Variants in KCNK3 observed in about 807,000 individuals in gnomAD.
KCNK3 encodes potassium two pore domain channel subfamily K member 3.
KCNK3 carries 9 observed loss-of-function variants against 27.3 expected under a neutral mutation model. The ratio of observed to expected loss-of-function variants is 0.33; its 90% CI spans 0.20 to 0.57. KCNK3 has a LOEUF of 0.57. Ranked by LOEUF, KCNK3 falls within the 20% of genes least tolerant of loss-of-function variation. The probability of loss-of-function intolerance (pLI) is 0.87; values close to 1 mark genes in which losing one functional copy is unlikely to be tolerated. For synonymous variants in KCNK3, 278 were observed against 273.8 expected, an observed-to-expected ratio of 1.02 and a Z score of -0.15; for missense variants, 391 against 577.7, an observed-to-expected ratio of 0.68 and a Z score of 3.31.
intron 1 of KCNK3, among the ~76,000 whole-genome samples, chr2:26,716,678 A>G (rs59659733): frequency 1.4e-3 from 219 of 152,322 alleles, no homozygotes; most frequent in African/African-American, 4.7e-3. Context: ...ATCCTGCTCA[A>G]AATGTACCCC....
At chr2:26,705,555 C>T (rs1471542022) in intron 1 of KCNK3, among the ~76,000 whole-genome samples, 1 of 152,160 alleles carries the variant, frequency 6.6e-6, no homozygotes, top group Non-Finnish European at 1.5e-5. Context: ...AGCTTCTCCC[C>T]GACCCACCCC....
chr2:26,713,493 A>G (rs1406436586), intron 1 of KCNK3, among the ~76,000 whole-genome samples: 2 of 152,128 alleles, frequency 1.3e-5, no homozygotes, highest in East Asian at 1.9e-4. Context: ...AGAAACATGT[A>G]TGTGGGCCGG....
chr2:26,725,202 C>T (rs1663394817), intron 1 of KCNK3, among the ~76,000 whole-genome samples: 1 of 152,098 alleles, frequency 6.6e-6, no homozygotes, highest in South Asian at 2.1e-4. Flanking sequence ...GCCCCCAGGC[C>T]CATGCTCTCA....
chr2:26,701,656 A>T (rs578215100), intron 1 of KCNK3, among the ~76,000 whole-genome samples: 4 of 152,258 alleles, frequency 2.6e-5, no homozygotes, highest in African/African-American at 7.2e-5. Context: ...AAAAACTTTT[A>T]TTTTGCCTGG....
In KCNK3 at chr2:26,728,246, C is replaced by T. The variant is rs1439928866; in HGVS notation, c.863C>T (p.Thr288Met). The change falls in exon 2 of 2, where the codon ACG becomes ATG. Residue 288 changes from threonine to methionine, a missense_variant. Physicochemically the swap from Thr to Met is moderately conservative, Grantham distance 81. Transcript: ENST00000302909. ...CACACTACGGACACCGCCTCATCCA[C>T]GGCGGCAGCGGGCGGCGGCGGCTTC... Reference protein sequence around the residue: ...SAHTTDTASSTAAAGGGGFRN... With the variant: ...SAHTTDTASSMAAAGGGGFRN... The T allele has an allele frequency of 1.3e-6, 2 of 1,577,830 alleles. No homozygotes were observed. Among genetic ancestry groups the T allele is most frequent in the Non-Finnish European group, 8.6e-7 (1 of 1,161,998 alleles).
rs1476181689 is a variant in KCNK3 at position 26,728,742 on chromosome 2, C to T, written c.*174C>T. On this transcript the variant is annotated 3_prime_UTR_variant, in exon 2 of 2. Coordinates refer to ENST00000302909, the MANE Select transcript of KCNK3 (RefSeq NM_002246.3). ...CTGCTTGCACCAGCCGGCAGGAGGC[C>T]GGGCTCTGAGGACCCCTGGGGCCCC... 7.3e-6 allele frequency: 4 copies of T among 544,882 alleles called. No homozygotes were observed. The highest frequency in any genetic ancestry group is 3.9e-5 in the African/African-American group (2 of 50,940). The allele number at this position is 544,882 out of a possible 1,614,324, so 33.8% of individuals were successfully genotyped here.
At chr2:26,727,528 G>A in intron 1 of KCNK3, 139 bp from the exon 2 acceptor site, 1 of 1,110,138 alleles carries the variant, frequency 9.0e-7, no homozygotes, top group Non-Finnish European at 1.3e-6. Flanking sequence ...ACAGTGCGTG[G>A]GGATAAGGAG....
At position 26,727,949 on chromosome 2, in the gene KCNK3, C is replaced by A. The variant is rs1334807649; in HGVS notation, c.566C>A (p.Ala189Asp). ...TACGAGCACTGGACCTTCTTCCAGG[C>A]CTACTACTACTGCTTCATCACCCTC... is the stretch of plus-strand genomic sequence containing the variant. The part of the protein sequence containing the change: ...SHYEHWTFFQ[A>D]YYYCFITLTT... The change falls in exon 2 of 2, where the codon GCC (alanine) becomes GAC (aspartate). Residue 189 changes from alanine to aspartate, a missense_variant. Ala to Asp is a moderately radical substitution (Grantham distance 126, BLOSUM62 -2). Coordinates refer to ENST00000302909, the MANE Select transcript of KCNK3 (RefSeq NM_002246.3). The A allele has an allele frequency of 6.2e-7, 1 of 1,614,150 alleles. No homozygotes were observed. The highest frequency in any genetic ancestry group is 8.5e-7 in the Non-Finnish European group (1 of 1,180,054).
At chr2:26,694,346 C>G (rs550938964) in intron 1 of KCNK3, among the ~76,000 whole-genome samples, 1 of 152,318 alleles carries the variant, frequency 6.6e-6, no homozygotes, top group Admixed American at 6.5e-5. Context: ...CTCCCTAGTC[C>G]CCTTCCCTGC....
intron 1 of KCNK3, among the ~76,000 whole-genome samples, chr2:26,719,568 A>G (rs1219663645): frequency 6.6e-6 from 1 of 152,182 alleles, no homozygotes; most frequent in Non-Finnish European, 1.5e-5. Flanking sequence ...CACCTTTGCC[A>G]TGCATTTTAA....
At chr2:26,717,966 C>A (rs368696306) in intron 1 of KCNK3, among the ~76,000 whole-genome samples, 1 of 152,176 alleles carries the variant, frequency 6.6e-6, no homozygotes, top group East Asian at 1.9e-4. Context: ...GAGATGAGAA[C>A]CCCTGTCCTC....
intron 1 of KCNK3, among the ~76,000 whole-genome samples, chr2:26,694,380 G>C (rs956039099): frequency 6.6e-6 from 1 of 152,126 alleles, no homozygotes; most frequent in Non-Finnish European, 1.5e-5. Flanking sequence ...CCAGGGGTTC[G>C]TTGCCACTTA....
Position 26,728,247 on chromosome 2 carries a change from G to A in KCNK3, c.864G>A (p.Thr288=), listed in dbSNP as rs762626613. ...SAHTTDTASS[T]AAAGGGGFRN... ...ACACTACGGACACCGCCTCATCCAC[G>A]GCGGCAGCGGGCGGCGGCGGCTTCC... is the stretch of plus-strand genomic sequence containing the variant. The change falls in exon 2 of 2, where the codon ACG becomes ACA. Residue 288 remains threonine (T), a synonymous_variant. Coordinates refer to ENST00000302909, the MANE Select transcript of KCNK3 (RefSeq NM_002246.3). The A allele has an allele frequency of 1.0e-5, 16 of 1,577,592 alleles. No homozygotes were observed. The highest frequency in any genetic ancestry group is 4.7e-5 in the East Asian group (2 of 42,504).
At chr2:26,695,529 T>C (rs571508362) in intron 1 of KCNK3, among the ~76,000 whole-genome samples, 1 of 152,304 alleles carries the variant, frequency 6.6e-6, no homozygotes, top group East Asian at 1.9e-4. Context: ...GTTGGCTGTT[T>C]TGAATGGTTA....
At chr2:26,696,320 C>A (rs1281924656) in intron 1 of KCNK3, among the ~76,000 whole-genome samples, 1 of 152,200 alleles carries the variant, frequency 6.6e-6, no homozygotes, top group African/African-American at 2.4e-5. Flanking sequence ...AGTCACCCAG[C>A]TGGTAAGCAG....
At chr2:26,719,005 A>G (rs1663280913) in intron 1 of KCNK3, among the ~76,000 whole-genome samples, 1 of 152,226 alleles carries the variant, frequency 6.6e-6, no homozygotes, top group Non-Finnish European at 1.5e-5. Flanking sequence ...TTTTCTATGT[A>G]ATCAAGAGAC....
intron 1 of KCNK3, among the ~76,000 whole-genome samples, chr2:26,700,724 TCATCAC>T (rs1163938892): frequency 7.7e-4 from 62 of 80,822 alleles, no homozygotes; most frequent in African/African-American, 2.9e-3. Flanking sequence ...TTCATCATCA[TCATCAC>T]CATCATCATC....
At chr2:26,696,556 C>A (rs554265260) in intron 1 of KCNK3, among the ~76,000 whole-genome samples, 1 of 152,232 alleles carries the variant, frequency 6.6e-6, no homozygotes, top group Non-Finnish European at 1.5e-5. Flanking sequence ...TGGTTAGTCA[C>A]CGTCTCCACT....
intron 1 of KCNK3, among the ~76,000 whole-genome samples, chr2:26,708,974 G>A (rs1016681896): frequency 2.0e-5 from 3 of 152,220 alleles, no homozygotes; most frequent in African/African-American, 7.2e-5. Context: ...TTGAGAGGCA[G>A]AGGAGACAGC....
Sources: gnomAD v4.1 joint callset for allele counts (sites outside exome capture counted in the v4.1 genomes callset) on GRCh38, gnomAD v4.1.1 for gene constraint, MANE v1.5 for transcripts, NCBI Gene and HGNC (gene_info 2026-07-23, HGNC 2026-07-21) for gene names.